The following HTR4 variants were observed in gnomAD, a reference collection of about 807,000 sequenced individuals.
HTR4 encodes the protein 5-hydroxytryptamine receptor 4.
Under a neutral mutation model 36.8 loss-of-function variants are expected in HTR4, and 16 were observed. The ratio of observed to expected loss-of-function variants is 0.43; its 90% CI spans 0.29 to 0.66. The LOEUF (loss-of-function observed/expected upper bound fraction) is 0.66, where lower values mean the gene tolerates loss of function less well. Ranked by LOEUF, HTR4 falls within the 30% of genes least tolerant of loss-of-function variation. The pLI, the probability that HTR4 is intolerant of heterozygous loss-of-function variation, is 0.13. For missense variants in HTR4, 438 were observed against 490.9 expected, an observed-to-expected ratio of 0.89 and a Z score of 1.02; for synonymous variants, 189 against 185.1, an observed-to-expected ratio of 1.02 and a Z score of -0.17.
intron 2 of HTR4, among the ~76,000 whole-genome samples, chr5:148,603,256 T>C (rs1334619370): frequency 1.3e-5 from 2 of 152,066 alleles, no homozygotes; most frequent in Admixed American, 6.6e-5. Flanking sequence ...TATAAATCAA[T>C]GCAATTCTCC....
rs147319510 is a variant in HTR4, at chr5:148,511,347, C to T, written c.508-1323G>A. 7.2e-5 allele frequency among the ~76,000 whole-genome samples: 11 copies of T among 152,280 alleles called. No homozygotes were observed. The East Asian group carries it at 2.1e-3, about 29-fold the overall frequency. On this transcript the variant is annotated intron_variant, in intron 5 of 6. Coordinates refer to ENST00000377888, the MANE Select transcript of HTR4 (RefSeq NM_000870.7). The stretch of plus-strand genomic sequence containing the variant: ...TCTCCTAGTCATTAATATGCCCAAA[C>T]ATAGCCACTCATCTACATCATCATA...
At position 148,654,482 on chromosome 5, in the gene HTR4, C is replaced by T. The variant is rs1385233581; in HGVS notation, c.-468G>A. The T allele has an allele frequency of 2.0e-6, 2 of 985,282 alleles. No homozygotes were observed. The highest frequency in any genetic ancestry group is 2.4e-6 in the Non-Finnish European group (2 of 830,016). 61.0% of individuals were successfully genotyped at this position (985,282 alleles called of 1,614,324 possible). A position where few individuals can be genotyped will look rare whatever the true frequency, so the allele number is the denominator to read the frequency against. On this transcript the variant is annotated 5_prime_UTR_variant, in exon 1 of 7. Coordinates refer to ENST00000377888, the MANE Select transcript of HTR4 (RefSeq NM_000870.7). ...CGGGCTGGAGCGATCTCACCCGTTC[C>T]GGGCTGGCCAGCACGCGCCCTCCCT...
intron 2 of HTR4, among the ~76,000 whole-genome samples, chr5:148,604,922 G>C (rs1016126698): frequency 6.6e-6 from 1 of 152,166 alleles, no homozygotes; most frequent in African/African-American, 2.4e-5. Context: ...GGACCAGTGG[G>C]GTAGGAACAC....
rs536519734 is a variant in HTR4 at position 148,589,266 on chromosome 5, C to T, written c.27-39004G>A. On this transcript the variant is annotated intron_variant, in intron 2 of 6. Transcript: ENST00000377888. The stretch of plus-strand genomic sequence containing the variant: ...TCTTCAGAATAGTTATACCAAAATT[C>T]TGCTAAATACTTAGATGAAAATTCT... Among the ~76,000 whole-genome samples the T allele has an allele frequency of 5.3e-5, 8 of 152,278 alleles. 1 individual carries two copies. Among genetic ancestry groups the T allele is most frequent in the African/African-American group, 1.9e-4 (8 of 41,560 alleles).
intron 2 of HTR4, among the ~76,000 whole-genome samples, chr5:148,621,441 C>T (rs1455515497): frequency 1.3e-5 from 2 of 152,222 alleles, no homozygotes; most frequent in Non-Finnish European, 2.9e-5. Context: ...CCACTAGAAT[C>T]TACCACCTAG....
At chr5:148,486,827 T>C (rs1009861090) in intron 6 of HTR4, among the ~76,000 whole-genome samples, 3 of 152,204 alleles carry the variant, frequency 2.0e-5, no homozygotes, top group Admixed American at 2.0e-4. Context: ...TCGGAATCTG[T>C]GAAATTACAT....
chr5:148,647,568 G>C (rs1484130604), intron 1 of HTR4, among the ~76,000 whole-genome samples: 2 of 152,204 alleles, frequency 1.3e-5, no homozygotes, highest in African/African-American at 4.8e-5. Context: ...GGTGGTTAGG[G>C]CCGGGGGTGG....
chr5:148,461,614 C>G (rs541267919), intron 5 of HTR4, among the ~76,000 whole-genome samples: 1 of 152,052 alleles, frequency 6.6e-6, no homozygotes, highest in Admixed American at 6.5e-5. Flanking sequence ...CACCAAAATA[C>G]AGGAGGCAAA....
At chr5:148,639,460 T>C (rs1168152996) in intron 1 of HTR4, among the ~76,000 whole-genome samples, 3 of 151,996 alleles carry the variant, frequency 2.0e-5, no homozygotes, top group Non-Finnish European at 4.4e-5. Context: ...CTCTTTTCCC[T>C]GGAATGTGAC....
At chr5:148,490,774 T>C in intron 6 of HTR4, 1 of 1,152,372 alleles carries the variant, frequency 8.7e-7, no homozygotes, top group Non-Finnish European at 1.2e-6. Context: ...TCTTATAACC[T>C]CAATCCTTTG....
intron 4 of HTR4, among the ~76,000 whole-genome samples, chr5:148,534,666 C>T (rs750081923): frequency 4.6e-5 from 7 of 152,040 alleles, no homozygotes; most frequent in Non-Finnish European, 1.0e-4. Context: ...GGAGAGGAGG[C>T]CAGACCATCT....
chr5:148,521,858 C>G (rs1445230513), intron 5 of HTR4, among the ~76,000 whole-genome samples: 1 of 152,124 alleles, frequency 6.6e-6, no homozygotes, highest in Non-Finnish European at 1.5e-5. Context: ...TAGCCTGGAG[C>G]TGTCTTCATT....
At chr5:148,502,051 C>A (rs1220974037) in intron 6 of HTR4, among the ~76,000 whole-genome samples, 1 of 150,262 alleles carries the variant, frequency 6.7e-6, no homozygotes, top group Non-Finnish European at 1.5e-5. Context: ...CAGAGCGAAA[C>A]TCTGTCTCAA....
intron 4 of HTR4, among the ~76,000 whole-genome samples, chr5:148,537,987 TA>T (rs1758915893): frequency 6.6e-6 from 1 of 152,070 alleles, no homozygotes; most frequent in Admixed American, 6.5e-5. Flanking sequence ...CCTAACAAAT[TA>T]CTTGCAAACT....
intron 5 of HTR4, among the ~76,000 whole-genome samples, chr5:148,463,947 T>G (rs554496958): frequency 2.7e-5 from 4 of 150,238 alleles, no homozygotes; most frequent in African/African-American, 9.8e-5. Context: ...ATAGTCAACT[T>G]ATCTTTGACA....
At chr5:148,628,015 G>A (rs1384444665) in intron 2 of HTR4, among the ~76,000 whole-genome samples, 1 of 152,182 alleles carries the variant, frequency 6.6e-6, no homozygotes, top group African/African-American at 2.4e-5. Context: ...GTTCAAGATG[G>A]CTTCCTTTCA....
intron 2 of HTR4, among the ~76,000 whole-genome samples, chr5:148,566,873 A>C (rs1760462452): frequency 6.6e-6 from 1 of 152,120 alleles, no homozygotes; most frequent in Non-Finnish European, 1.5e-5. Context: ...TTAATCTAAA[A>C]AAATTTGAAT....
At chr5:148,539,018 T>C (rs972671502) in intron 4 of HTR4, among the ~76,000 whole-genome samples, 1 of 152,054 alleles carries the variant, frequency 6.6e-6, no homozygotes, top group South Asian at 2.1e-4. Flanking sequence ...GGTACTGGTA[T>C]GAAAACAGAA....
At chr5:148,643,911 T>TG (rs915306840) in intron 1 of HTR4, among the ~76,000 whole-genome samples, 14 of 152,274 alleles carry the variant, frequency 9.2e-5, no homozygotes, top group African/African-American at 3.4e-4. Context: ...AAACAAATCT[T>TG]GGATGATTCT....
Sources: gnomAD v4.1 joint callset for allele counts (sites outside exome capture counted in the v4.1 genomes callset) on GRCh38, gnomAD v4.1.1 for gene constraint, MANE v1.5 for transcripts, NCBI Gene and HGNC (gene_info 2026-07-23, HGNC 2026-07-21) for gene names.